DNAH17: variants seen among roughly 807,000 people sequenced by gnomAD.
The protein encoded by DNAH17 is dynein axonemal heavy chain 17, also known as axonemal beta dynein heavy chain 17.
DNAH17 carries 376 observed loss-of-function variants against 485.6 expected under a neutral mutation model. The observed-to-expected ratio is 0.77, with a 90% CI of 0.71 to 0.84. The LOEUF (loss-of-function observed/expected upper bound fraction) is 0.84, where lower values mean the gene tolerates loss of function less well. DNAH17 is among the 40% of genes least tolerant of loss of function. The pLI is 0.00. For synonymous variants in DNAH17, 3,031 were observed against 2,405.9 expected (o/e 1.26, Z -7.60); for missense variants, 6,370 against 5,839.3 (o/e 1.09, Z -2.96).
At chr17:78,429,459 A>G (rs1343308214) in intron 75 of DNAH17, among the ~76,000 whole-genome samples, 159 bp from the exon 76 acceptor site, 1 of 152,204 alleles carries the variant, frequency 6.6e-6, no homozygotes, top group Non-Finnish European at 1.5e-5. Context: ...CTTCAGGGTC[A>G]CCAGGCCCCA....
intron 71 of DNAH17, among the ~76,000 whole-genome samples, chr17:78,444,175 A>G (rs1408063271): frequency 6.6e-6 from 1 of 152,168 alleles, no homozygotes; most frequent in Non-Finnish European, 1.5e-5. Flanking sequence ...CTCCCTCAAA[A>G]CATCTTAAAA....
At chr17:78,504,001 A>AC (rs955707829) in intron 31 of DNAH17, among the ~76,000 whole-genome samples, 10 of 150,602 alleles carry the variant, frequency 6.6e-5, no homozygotes, top group Non-Finnish European at 5.9e-5. Flanking sequence ...CAAATGAACA[A>AC]AAAAAAAACC....
In DNAH17 at chr17:78,567,006, C is replaced by CCA; in HGVS notation, c.1443_1444dup (p.Gly482ValfsTer56). On this transcript the variant is annotated frameshift_variant, in exon 10 of 81. Transcript: ENST00000389840. LOFTEE classifies it high-confidence loss of function. ...CCCTGCCCGAGGACCTACCGAGTCT[C>CCA]CAGGGTCCAAGGGATCATATTTGCA... is the stretch of plus-strand genomic sequence containing the variant. The CCA allele has an allele frequency of 6.2e-7, 1 of 1,611,254 alleles. No individual in the cohort carries two copies.
chr17:78,565,331 A>AT (rs1453316152), intron 11 of DNAH17, among the ~76,000 whole-genome samples: 1 of 152,212 alleles, frequency 6.6e-6, no homozygotes, highest in South Asian at 2.1e-4. Flanking sequence ...ATTCATTGAT[A>AT]TTTTGCCTGG....
At chr17:78,551,734 C>T in intron 15 of DNAH17, 96 bp from the exon 16 acceptor site, 1 of 1,172,952 alleles carries the variant, frequency 8.5e-7, no homozygotes, top group East Asian at 2.4e-5. Flanking sequence ...GAGGTCAGGG[C>T]AGGCGAATCA....
Position 78,450,270 on chromosome 17 carries a change from T to C in DNAH17, c.11024A>G (p.Tyr3675Cys). 1 of 1,613,924 alleles carries C rather than the reference T, an allele frequency of 6.2e-7. No homozygotes were observed. Among genetic ancestry groups the C allele is most frequent in the Non-Finnish European group, 8.5e-7 (1 of 1,179,894 alleles). The change falls in exon 68 of 81, where the codon TAC becomes TGC. Residue 3675 changes from tyrosine (Y) to cysteine (C), a missense_variant. Transcript: ENST00000389840. Reference sequence around the variant, plus strand: ...AGGGCGCACCTTGAGGGAGAACTGGTAGACGGGGTTGATTTTGTTGAGATC... The same window carrying C: ...AGGGCGCACCTTGAGGGAGAACTGGCAGACGGGGTTGATTTTGTTGAGATC... The part of the protein sequence containing the change: ...LNDLNKINPV[Y>C]QFSLKAFNVV...
At chr17:78,498,249 G>A (rs914405708) in intron 37 of DNAH17, among the ~76,000 whole-genome samples, 3 of 152,118 alleles carry the variant, frequency 2.0e-5, no homozygotes, top group African/African-American at 4.8e-5. Flanking sequence ...GCATTTGCAC[G>A]TCCACACCCC....
chr17:78,431,741 G>A (rs995044029), intron 75 of DNAH17, among the ~76,000 whole-genome samples: 9 of 152,160 alleles, frequency 5.9e-5, no homozygotes, highest in African/African-American at 2.2e-4. Flanking sequence ...AGGGAAGGTT[G>A]GCCAGCGCAG....
chr17:78,448,829 G>C (rs1658306086), intron 69 of DNAH17, among the ~76,000 whole-genome samples: 1 of 152,182 alleles, frequency 6.6e-6, no homozygotes, highest in Admixed American at 6.5e-5. Flanking sequence ...GACACAGCAA[G>C]AAGGCCCTTG....
intron 27 of DNAH17, among the ~76,000 whole-genome samples, chr17:78,509,955 G>C (rs1168755162): frequency 2.0e-5 from 3 of 152,226 alleles, no homozygotes; most frequent in Non-Finnish European, 1.5e-5. Flanking sequence ...GCTGAGGCGA[G>C]CGGGTCAGTT....
chr17:78,484,779 T>TGGGGCTCCGCCTCTTCC, intron 48 of DNAH17, 89 bp downstream of exon 48: 2 of 494,360 alleles, frequency 4.0e-6, no homozygotes, highest in Non-Finnish European at 5.3e-6. Flanking sequence ...CCTACTGCCC[T>TGGGGCTCCGCCTCTTCC]GGGGCTCCGC....
Position 78,501,773 on chromosome 17 carries a change from C to A in DNAH17, c.5291G>T (p.Arg1764Leu), listed in dbSNP as rs776388948. ...CACGATCATTTTGGCCACCACGTCC[C>A]GTGCGTGCACATCGATGGTGCAGAT... ...MTICTIDVHARDVVAKMIVAK... is the reference protein window; with the variant it reads ...MTICTIDVHALDVVAKMIVAK... Residue 1764 changes from arginine (R) to leucine (L), a missense_variant, in exon 34 of 81, where the codon CGG becomes CTG. Arg to Leu is a moderately radical substitution (Grantham distance 102, BLOSUM62 -2). Transcript: ENST00000389840. The A allele has an allele frequency of 6.2e-7, 1 of 1,613,842 alleles. No homozygotes were observed. The highest frequency in any genetic ancestry group is 1.7e-5 in the Admixed American group (1 of 60,028).
Position 78,486,510 on chromosome 17 carries a change from G to A in DNAH17, c.6819-4C>T, listed in dbSNP as rs1192017200. The A allele has an allele frequency of 6.3e-7, 1 of 1,595,990 alleles. No individual in the cohort carries two copies. Among genetic ancestry groups the A allele is most frequent in the Non-Finnish European group, 8.6e-7 (1 of 1,168,738 alleles). On this transcript the variant is annotated splice_polypyrimidine_tract_variant and splice_region_variant and intron_variant, in intron 44 of 80. Coordinates refer to ENST00000389840, the MANE Select transcript of DNAH17 (RefSeq NM_173628.4). ...CTCGATCCAGCTGCTCACCACCCTG[G>A]GGGTGACAGGAGGCGCCGATGACAC...
rs371477154 is a variant in DNAH17 at position 78,537,471 on chromosome 17, G to C, written c.2687C>G (p.Ala896Gly). The C allele has an allele frequency of 2.5e-6, 4 of 1,613,310 alleles. No individual in the cohort carries two copies. The South Asian group carries it at 4.4e-5, about 18-fold the overall frequency. ...MDNMVIDESI[A>G]PLFEIRMELD... ...CTCCATGCGGATCTCAAACAGGGGAGCGATACTCTCCTGAAAGAGGGGTGG... is the reference window on the plus strand; with the variant it reads ...CTCCATGCGGATCTCAAACAGGGGACCGATACTCTCCTGAAAGAGGGGTGG... Residue 896 changes from alanine (A) to glycine (G), a missense_variant, in exon 19 of 81, where the codon GCT becomes GGT. Coordinates refer to ENST00000389840, the MANE Select transcript of DNAH17 (RefSeq NM_173628.4).
At chr17:78,572,020 C>A (rs539593688) in intron 3 of DNAH17, among the ~76,000 whole-genome samples, 2 of 152,234 alleles carry the variant, frequency 1.3e-5, no homozygotes, top group African/African-American at 4.8e-5. Context: ...GGCCTGGAGG[C>A]GCTCACCTCC....
chr17:78,486,114 T>C lies in DNAH17; in HGVS notation c.7121A>G (p.Glu2374Gly). Reference sequence around the variant, plus strand: ...TTCGTTGATCCACCATTTACTGAACTCCACTCGATAATCCACAAGCTGTTG... The same window carrying C: ...TTCGTTGATCCACCATTTACTGAACCCCACTCGATAATCCACAAGCTGTTG... The part of the protein sequence containing the change: ...FQDQLVDYRV[E>G]FSKWWINEFK... The change falls in exon 46 of 81, where the codon GAG (glutamate) becomes GGG (glycine). Residue 2374 changes from glutamate (E) to glycine (G), a missense_variant. Physicochemically the swap from Glu to Gly is moderately conservative, Grantham distance 98 (BLOSUM62 -2). Coordinates refer to ENST00000389840, the MANE Select transcript of DNAH17 (RefSeq NM_173628.4). The C allele has an allele frequency of 6.2e-7, 1 of 1,613,640 alleles. No individual in the cohort carries two copies. The highest frequency in any genetic ancestry group is 8.5e-7 in the Non-Finnish European group (1 of 1,179,748).
At position 78,486,487 on chromosome 17, in the gene DNAH17, C is replaced by T. The variant is rs754016023; in HGVS notation, c.6838G>A (p.Glu2280Lys). The T allele has an allele frequency of 7.5e-6, 12 of 1,609,320 alleles. No individual in the cohort carries two copies. Among genetic ancestry groups the T allele is most frequent in the Non-Finnish European group, 1.0e-5 (12 of 1,177,198 alleles). ...TTCTCCGACTGCACCTTGCGCCTCT[C>T]GATCCAGCTGCTCACCACCCTGGGG... ...GWNPVVSSWI[E>K]RRKVQSEKAN... Residue 2280 changes from glutamate (E) to lysine (K), a missense_variant, in exon 45 of 81, where the codon GAG becomes AAG. Transcript: ENST00000389840.
At position 78,449,293 on chromosome 17, in the gene DNAH17, C is replaced by T. The variant is rs529814034; in HGVS notation, c.11211+121G>A. The T allele has an allele frequency of 2.0e-4, 199 of 1,015,414 alleles. 3 individuals carry two copies. The South Asian group carries it at 2.7e-3, about 14-fold the overall frequency. The allele number at this position is 1,015,414 out of a possible 1,614,324, so 62.9% of individuals were successfully genotyped here. On this transcript the variant is annotated intron_variant, in intron 69 of 80. Transcript: ENST00000389840. ...ATCACCTGGGTATATTGCTAAAATGCGGGTTTGAAATCACCAGGTTTGGGT... is the reference window on the plus strand; with the variant it reads ...ATCACCTGGGTATATTGCTAAAATGTGGGTTTGAAATCACCAGGTTTGGGT...
intron 74 of DNAH17, among the ~76,000 whole-genome samples, chr17:78,437,299 C>G (rs914054226): frequency 6.6e-6 from 1 of 152,180 alleles, no homozygotes; most frequent in African/African-American, 2.4e-5. Flanking sequence ...AGCTTGGCCC[C>G]ATTTCCAAGG....
Sources: gnomAD v4.1 joint callset for allele counts (sites outside exome capture counted in the v4.1 genomes callset) on GRCh38, gnomAD v4.1.1 for gene constraint, MANE v1.5 for transcripts, NCBI Gene and HGNC (gene_info 2026-07-23, HGNC 2026-07-21) for gene names.